The following EMB variants were observed in gnomAD, a reference collection of about 807,000 sequenced individuals.
EMB encodes the protein embigin homolog.
Under a neutral mutation model 41.4 loss-of-function variants are expected in EMB, and 31 were observed. That is an observed-to-expected ratio of 0.75 (90% CI 0.56 to 1.01). EMB has a LOEUF of 1.01. Among genes scored for constraint, EMB ranks in the 50% least tolerant of loss-of-function variants. The pLI, the probability that EMB is intolerant of heterozygous loss-of-function variation, is 0.00. For missense variants in EMB, 379 were observed against 388.3 expected, an observed-to-expected ratio of 0.98 and a Z score of 0.20; for synonymous variants, 137 against 140.4, an observed-to-expected ratio of 0.98 and a Z score of 0.17.
At position 50,423,775 on chromosome 5, in the gene EMB, G is replaced by A. The variant is rs182952799; in HGVS notation, c.196+4369C>T. On this transcript the variant is annotated intron_variant, in intron 2 of 8. Transcript: ENST00000303221. ...GTAAATTTGCAATTTAAACTGTGTT[G>A]AGGACAGGCCCACGTCTTTAAATAA... 3.7e-3 allele frequency among the ~76,000 whole-genome samples: 562 copies of A among 152,270 alleles called. 2 individuals carry two copies. The highest frequency in any genetic ancestry group is 6.4e-3 in the Non-Finnish European group (435 of 68,012).
At chr5:50,429,174 A>G (rs544766279) in intron 1 of EMB, among the ~76,000 whole-genome samples, 1 of 152,326 alleles carries the variant, frequency 6.6e-6, no homozygotes, top group Admixed American at 6.5e-5. Flanking sequence ...GATTACAGGC[A>G]TGAGCCACCA....
rs1015740267 is a variant in EMB at position 50,402,399 on chromosome 5, C to G, written c.878-80G>C. On this transcript the variant is annotated intron_variant, in intron 6 of 8. Coordinates refer to ENST00000303221, the MANE Select transcript of EMB (RefSeq NM_198449.3). ...CATATATGCTCAATTAAACCTCCTTCCTAAGTAAGTAAGTACTATGCTGTT... is the reference window on the plus strand; with the variant it reads ...CATATATGCTCAATTAAACCTCCTTGCTAAGTAAGTAAGTACTATGCTGTT... 2.3e-6 allele frequency: 3 copies of G among 1,288,306 alleles called. No individual in the cohort carries two copies. In the Admixed American group the frequency reaches 5.2e-5, roughly 22 times the overall value. 79.8% of individuals were successfully genotyped at this position (1,288,306 alleles called of 1,614,324 possible).
chr5:50,421,371 C>T (rs1561136832), intron 2 of EMB, among the ~76,000 whole-genome samples: 1 of 152,100 alleles, frequency 6.6e-6, no homozygotes, highest in East Asian at 1.9e-4. Context: ...GTTAGAATGG[C>T]CATCATTAAA....
At chr5:50,429,369 T>C (rs1044397502) in intron 1 of EMB, among the ~76,000 whole-genome samples, 7 of 152,256 alleles carry the variant, frequency 4.6e-5, no homozygotes, top group African/African-American at 1.7e-4. Context: ...GCCATTTTTA[T>C]TACACTTTTT....
At chr5:50,441,324 C>A (rs1745909035), upstream of EMB, 3 of 393,636 alleles carry the variant, frequency 7.6e-6, no homozygotes, top group African/African-American at 4.1e-5. Context: ...TTGCCCCACT[C>A]CCCCGAGACG....
At chr5:50,410,502 T>C (rs1217723694) in intron 4 of EMB, among the ~76,000 whole-genome samples, 5 of 152,132 alleles carry the variant, frequency 3.3e-5, no homozygotes, top group Non-Finnish European at 7.4e-5. Flanking sequence ...GCTATGGATA[T>C]AGAACATCAA....
intron 2 of EMB, among the ~76,000 whole-genome samples, chr5:50,421,789 T>G (rs1745528268): frequency 6.7e-6 from 1 of 150,256 alleles, no homozygotes; most frequent in Admixed American, 6.7e-5. Context: ...GCAAACCATC[T>G]CAAGGACAAA....
chr5:50,429,209 T>C (rs1351693671), intron 1 of EMB, among the ~76,000 whole-genome samples: 1 of 152,240 alleles, frequency 6.6e-6, no homozygotes, highest in Non-Finnish European at 1.5e-5. Flanking sequence ...CATGGCCTAC[T>C]GTTCCTTTTA....
intron 2 of EMB, among the ~76,000 whole-genome samples, chr5:50,413,261 T>G (rs1418427211): frequency 6.6e-6 from 1 of 152,164 alleles, no homozygotes; most frequent in Non-Finnish European, 1.5e-5. Context: ...AAAGAAATCA[T>G]ACAAATATAC....
intron 2 of EMB, among the ~76,000 whole-genome samples, chr5:50,413,062 G>T (rs1164193995): frequency 6.6e-6 from 1 of 151,560 alleles, no homozygotes; most frequent in African/African-American, 2.4e-5. Flanking sequence ...ACATACACAC[G>T]CGCCCACGCG....
intron 1 of EMB, among the ~76,000 whole-genome samples, chr5:50,437,456 TTTAATAC>T (rs1745823383): frequency 2.0e-5 from 3 of 152,202 alleles, no homozygotes; most frequent in African/African-American, 7.2e-5. Flanking sequence ...ACTCTGAATC[TTTAATAC>T]TTTGTACCCC....
chr5:50,403,660 C>T (rs959227751), intron 5 of EMB, among the ~76,000 whole-genome samples: 2 of 151,876 alleles, frequency 1.3e-5, no homozygotes, highest in African/African-American at 4.8e-5. Flanking sequence ...AAAATATATA[C>T]ATTGCTATAA....
In EMB at chr5:50,411,230, C is replaced by T. The variant is rs1425983988; in HGVS notation, c.350G>A (p.Ser117Asn). The T allele has an allele frequency of 6.2e-7, 1 of 1,612,638 alleles. No homozygotes were observed. The highest frequency in any genetic ancestry group is 8.5e-7 in the Non-Finnish European group (1 of 1,179,160). Residue 117 changes from serine to asparagine, a missense_variant, in exon 3 of 9, where the codon AGT becomes AAT. Ser to Asn is a conservative substitution (Grantham distance 46, BLOSUM62 1). Coordinates refer to ENST00000303221, the MANE Select transcript of EMB (RefSeq NM_198449.3). ...GGTATACAAGGTGCTTCCTGTTGCA[C>T]TGACAAGATAATTATTCTCAAGTTG... ...GEQLENNYLVSATGSTLYTQY... is the reference protein window; with the variant it reads ...GEQLENNYLVNATGSTLYTQY...
chr5:50,399,655 G>T (rs1745127856), intron 8 of EMB, among the ~76,000 whole-genome samples: 1 of 151,920 alleles, frequency 6.6e-6, no homozygotes, highest in South Asian at 2.1e-4. Context: ...TAGATTAGTT[G>T]CTATGTGCCC....
At chr5:50,401,161 G>A (rs1745155915) in intron 7 of EMB, among the ~76,000 whole-genome samples, 1 of 151,916 alleles carries the variant, frequency 6.6e-6, no homozygotes, top group African/African-American at 2.4e-5. Flanking sequence ...TCCAACTATG[G>A]GAGTCTATGA....
rs1745082689 is a variant in EMB at position 50,397,144 on chromosome 5, T to C, written c.*2129A>G. 1.3e-5 allele frequency: 2 copies of C among 152,150 alleles called. No homozygotes were observed. Among genetic ancestry groups the C allele is most frequent in the African/African-American group, 2.4e-5 (1 of 41,446 alleles). 9.4% of individuals were successfully genotyped at this position (152,150 alleles called of 1,614,324 possible). ...TATAAACTTGGAGTAGTTTTCCTAC[T>C]TCAACTTTTATGCGGCTTATTATTT... On this transcript the variant is annotated 3_prime_UTR_variant, in exon 9 of 9. Transcript: ENST00000303221.
At chr5:50,440,017 C>T (rs1382546872) in intron 1 of EMB, among the ~76,000 whole-genome samples, 1 of 152,132 alleles carries the variant, frequency 6.6e-6, no homozygotes, top group Non-Finnish European at 1.5e-5. Flanking sequence ...TGGCAACTTT[C>T]GTGTTGGCTT....
intron 1 of EMB, among the ~76,000 whole-genome samples, chr5:50,436,956 G>A (rs1745813780): frequency 6.6e-6 from 1 of 152,174 alleles, no homozygotes; most frequent in South Asian, 2.1e-4. Context: ...AAATGGTCAT[G>A]CATCAGAAAC....
chr5:50,410,829 A>C, intron 4 of EMB, 48 bp downstream of exon 4: 1 of 1,129,434 alleles, frequency 8.9e-7, no homozygotes, highest in Non-Finnish European at 1.3e-6. Flanking sequence ...GAAATCTAAG[A>C]ACATAATGCT....
Sources: allele counts gnomAD v4.1 joint callset (sites outside exome capture counted in the v4.1 genomes callset), GRCh38; gene constraint gnomAD v4.1.1; transcripts MANE v1.5; gene names NCBI Gene and HGNC (gene_info 2026-07-23, HGNC 2026-07-21).